Variants in TM4SF4 observed in about 807,000 individuals in gnomAD.
The protein encoded by TM4SF4 is transmembrane 4 L six family member 4, also known as transmembrane 4 L6 family member 4.
A neutral mutation model predicts 24.1 loss-of-function variants in TM4SF4; 24 were observed. The ratio of observed to expected loss-of-function variants is 1.00; its 90% confidence interval spans 0.72 to 1.40. The LOEUF (loss-of-function observed/expected upper bound fraction) is 1.40, where lower values mean the gene tolerates loss of function less well. Ranked by LOEUF, TM4SF4 falls within the 40% of genes most tolerant of loss-of-function variation. The probability of loss-of-function intolerance (pLI) is 0.00; values close to 1 mark genes in which losing one functional copy is unlikely to be tolerated. For synonymous variants in TM4SF4, 113 were observed against 97.0 expected (o/e 1.17, Z -0.97); for missense variants, 254 against 254.2 (o/e 1.00, Z 0.01).
At chr3:149,497,266 C>T (rs1280722918) in intron 3 of TM4SF4, among the ~76,000 whole-genome samples, 2 of 152,160 alleles carry the variant, frequency 1.3e-5, no homozygotes, top group Non-Finnish European at 2.9e-5. Context: ...GACAATAACC[C>T]TAAGATATGA....
intron 3 of TM4SF4, among the ~76,000 whole-genome samples, chr3:149,494,363 C>A (rs1183734932): frequency 1.3e-5 from 2 of 152,198 alleles, no homozygotes; most frequent in Non-Finnish European, 2.9e-5. Context: ...CAAATCCTAC[C>A]ACCAGGAGGT....
At chr3:149,500,108 C>A (rs1317877727) in intron 4 of TM4SF4, among the ~76,000 whole-genome samples, 2 of 151,944 alleles carry the variant, frequency 1.3e-5, no homozygotes, top group South Asian at 4.1e-4. Flanking sequence ...TTATTTTATT[C>A]TCCCTATCTT....
chr3:149,484,550 A>ATTT (rs890892392), intron 2 of TM4SF4, among the ~76,000 whole-genome samples: 3,739 of 122,176 alleles, frequency 0.031, 82 homozygotes, highest in Middle Eastern at 0.064. Context: ...CACCCCGCTA[A>ATTT]TTTTTTTTTT....
chr3:149,492,586 G>A (rs907598458), intron 3 of TM4SF4, among the ~76,000 whole-genome samples: 1 of 152,098 alleles, frequency 6.6e-6, no homozygotes, highest in Non-Finnish European at 1.5e-5. Flanking sequence ...CAGAGGATGA[G>A]CCAGGAGTGG....
intron 2 of TM4SF4, among the ~76,000 whole-genome samples, chr3:149,480,360 T>C (rs995840363): frequency 3.9e-5 from 6 of 152,190 alleles, no homozygotes; most frequent in Non-Finnish European, 8.8e-5. Flanking sequence ...ATCTTGGATT[T>C]GACTCAAAGG....
At chr3:149,501,738 A>T (rs979028489) in intron 4 of TM4SF4, among the ~76,000 whole-genome samples, 11 of 152,184 alleles carry the variant, frequency 7.2e-5, no homozygotes, top group African/African-American at 2.4e-4. Flanking sequence ...CTAACTTCTC[A>T]TAGTCTCAGT....
Position 149,502,678 on chromosome 3 carries a change from A to C in TM4SF4, c.594A>C (p.Gly198=). The change falls in exon 5 of 5, where the codon GGA becomes GGC. Residue 198 remains glycine (G), a splice_region_variant and synonymous_variant. Coordinates refer to ENST00000305354, the MANE Select transcript of TM4SF4 (RefSeq NM_004617.4). The stretch of plus-strand genomic sequence containing the variant: ...AATTCACCTTTTCTACCTTCTAGGG[A>C]GATGGACCCGTTTAAACCTCCGAGA... ...GDCQCCGCCG[G]DGPV is the part of the protein sequence containing the mutation. 1 of 1,605,764 alleles carries C rather than the reference A, an allele frequency of 6.2e-7. No homozygotes were observed. Among genetic ancestry groups the C allele is most frequent in the Non-Finnish European group, 8.5e-7 (1 of 1,172,644 alleles).
chr3:149,501,667 A>G (rs542806444), intron 4 of TM4SF4, among the ~76,000 whole-genome samples: 1 of 152,318 alleles, frequency 6.6e-6, no homozygotes, highest in African/African-American at 2.4e-5. Context: ...GACACTGAGG[A>G]AAGACTTGGG....
Position 149,487,679 on chromosome 3 carries a change from A to G in TM4SF4, c.325A>G (p.Ile109Val), listed in dbSNP as rs1214860820. 1.9e-6 allele frequency: 3 copies of G among 1,613,992 alleles called. No homozygotes were observed. Among genetic ancestry groups the G allele is most frequent in the Non-Finnish European group, 2.5e-6 (3 of 1,179,880 alleles). ...CTTGGGAGCTGGATACTCGTTTATC[A>G]TCTCAGCCATTTCAATCAACAAGGG... Reference protein sequence around the residue: ...GFLGAGYSFIISAISINKGPK... With the variant: ...GFLGAGYSFIVSAISINKGPK... The change falls in exon 3 of 5, where the codon ATC (isoleucine) becomes GTC (valine). Residue 109 changes from isoleucine (I) to valine (V), a missense_variant. Physicochemically the swap from Ile to Val is conservative, Grantham distance 29 (BLOSUM62 3). Coordinates refer to ENST00000305354, the MANE Select transcript of TM4SF4 (RefSeq NM_004617.4).
At chr3:149,487,499 A>T in intron 2 of TM4SF4, 120 bp from the exon 3 acceptor site, 1 of 1,243,166 alleles carries the variant, frequency 8.0e-7, no homozygotes. Context: ...TACTATAAAG[A>T]CTAGCTCCTA....
intron 3 of TM4SF4, among the ~76,000 whole-genome samples, chr3:149,498,295 A>G (rs1469724020): frequency 6.6e-6 from 1 of 152,208 alleles, no homozygotes; most frequent in Non-Finnish European, 1.5e-5. Flanking sequence ...AGCTGTGAAC[A>G]TTTGTGAAAT....
At chr3:149,488,946 C>A (rs1164126248) in intron 3 of TM4SF4, among the ~76,000 whole-genome samples, 7 of 152,168 alleles carry the variant, frequency 4.6e-5, no homozygotes, top group Non-Finnish European at 8.8e-5. Flanking sequence ...CCTAAAGAAT[C>A]TTAAGAACAG....
At chr3:149,488,879 A>T (rs1467411126) in intron 3 of TM4SF4, among the ~76,000 whole-genome samples, 12 of 152,186 alleles carry the variant, frequency 7.9e-5, no homozygotes, top group Non-Finnish European at 1.2e-4. Context: ...CCTAAAAAAA[A>T]TCTGTAGAAC....
At chr3:149,487,493 A>G in intron 2 of TM4SF4, 126 bp from the exon 3 acceptor site, 2 of 1,174,614 alleles carry the variant, frequency 1.7e-6, no homozygotes, top group South Asian at 2.9e-5. Flanking sequence ...CCCATCTACT[A>G]TAAAGACTAG....
chr3:149,490,806 C>G (rs1734195395), intron 3 of TM4SF4, among the ~76,000 whole-genome samples: 1 of 152,176 alleles, frequency 6.6e-6, no homozygotes, highest in South Asian at 2.1e-4. Flanking sequence ...TAGAAAGGAT[C>G]AGTCACTTGT....
chr3:149,498,611 C>T (rs1257690816), intron 3 of TM4SF4, 111 bp from the exon 4 acceptor site: 2 of 913,062 alleles, frequency 2.2e-6, no homozygotes, highest in South Asian at 1.6e-5. Flanking sequence ...TCTCGTGAAG[C>T]TAGTTTTGGG....
intron 3 of TM4SF4, among the ~76,000 whole-genome samples, chr3:149,493,170 T>C (rs369237150): frequency 6.6e-6 from 1 of 152,240 alleles, no homozygotes. Context: ...ATGGAATTTA[T>C]TTTTATGCAT....
At chr3:149,487,382 C>A (rs184730059) in intron 2 of TM4SF4, among the ~76,000 whole-genome samples, 13 of 152,194 alleles carry the variant, frequency 8.5e-5, no homozygotes, top group African/African-American at 2.9e-4. Context: ...GGTAACAGAA[C>A]CAACACCTCT....
chr3:149,483,328 A>G (rs147183852), intron 2 of TM4SF4, among the ~76,000 whole-genome samples: 1 of 152,216 alleles, frequency 6.6e-6, no homozygotes, highest in South Asian at 2.1e-4. Context: ...ATTGTAGGCC[A>G]GGTATGATGG....
Sources: allele counts gnomAD v4.1 joint callset (sites outside exome capture counted in the v4.1 genomes callset), GRCh38; gene constraint gnomAD v4.1.1; transcripts MANE v1.5; gene names NCBI Gene and HGNC (gene_info 2026-07-23, HGNC 2026-07-21).